The following LRP5 variants were observed in gnomAD, a reference collection of about 807,000 sequenced individuals.
The protein encoded by LRP5 is low-density lipoprotein receptor-related protein 5.
In LRP5, 62 loss-of-function variants were observed where a neutral mutation model predicts 154.1. The observed-to-expected ratio is 0.40, with a 90% confidence interval of 0.33 to 0.50. LRP5 has a LOEUF of 0.50. Among genes scored for constraint, LRP5 ranks in the 20% least tolerant of loss-of-function variants. The pLI is 0.55. For synonymous variants in LRP5, 966 were observed against 1,011.5 expected, an observed-to-expected ratio of 0.96 and a Z score of 0.85; for missense variants, 1,915 against 2,336.7, an observed-to-expected ratio of 0.82 and a Z score of 3.72.
Position 68,423,452 on chromosome 11 carries a change from G to T in LRP5, c.3028-37G>T. 3.1e-6 allele frequency: 5 copies of T among 1,595,986 alleles called. No individual in the cohort carries two copies. Among genetic ancestry groups the T allele is most frequent in the Admixed American group, 1.7e-5 (1 of 59,998 alleles). ...TCTCCGCCAGTGCCCAGGGGTCTCC[G>T]CCAGTGCTCAGGAGTCTTGGTTTCT... On this transcript the variant is annotated intron_variant, in intron 13 of 22. Transcript: ENST00000294304. The surrounding 1 kb of genome is among the most constrained non-coding windows in gnomAD (Gnocchi z 4.7).
chr11:68,439,867 G>C lies in LRP5; in HGVS notation c.4439G>C (p.Gly1480Ala). Residue 1480 changes from glycine (G) to alanine (A), a missense_variant, in exon 21 of 23, where the codon GGG becomes GCG. Coordinates refer to ENST00000294304, the MANE Select transcript of LRP5 (RefSeq NM_002335.4). ...CTCTACGACCGGAACCACGTCACAGGGGCCTCGTCCAGCAGCTCGTCCAGC... is the reference window on the plus strand; with the variant it reads ...CTCTACGACCGGAACCACGTCACAGCGGCCTCGTCCAGCAGCTCGTCCAGC... ...VPLYDRNHVTGASSSSSSSTK... is the reference protein window; with the variant it reads ...VPLYDRNHVTAASSSSSSSTK... The C allele has an allele frequency of 6.2e-7, 1 of 1,601,792 alleles. No individual in the cohort carries two copies. Among genetic ancestry groups the C allele is most frequent in the Non-Finnish European group, 8.5e-7 (1 of 1,176,230 alleles).
At chr11:68,371,675 C>T (rs2098634084) in intron 5 of LRP5, among the ~76,000 whole-genome samples, 1 of 152,246 alleles carries the variant, frequency 6.6e-6, no homozygotes, top group East Asian at 1.9e-4. Context: ...GACGGGACGC[C>T]TCGCCTCGAC....
At chr11:68,427,976 TTTA>T (rs1338782213) in intron 16 of LRP5, among the ~76,000 whole-genome samples, 64 of 86,188 alleles carry the variant, frequency 7.4e-4, no homozygotes, top group South Asian at 4.3e-3. Flanking sequence ...TTTTATTTTT[TTTA>T]TTTATTTATT....
At chr11:68,409,741 T>C (rs2098658332) in intron 9 of LRP5, among the ~76,000 whole-genome samples, 173 bp from the exon 10 acceptor site, 1 of 151,958 alleles carries the variant, frequency 6.6e-6, no homozygotes, top group Non-Finnish European at 1.5e-5. Context: ...CCCCACCTAC[T>C]TGGGAGGCTA....
chr11:68,357,868 G>T (rs757803838), intron 3 of LRP5, 21 bp downstream of exon 3: 1 of 1,597,866 alleles, frequency 6.3e-7, no homozygotes, highest in South Asian at 1.1e-5. Context: ...ACGCAGTCCT[G>T]GGGCACCCCT....
intron 5 of LRP5, among the ~76,000 whole-genome samples, chr11:68,366,507 G>A (rs562571491): frequency 6.6e-6 from 1 of 152,292 alleles, no homozygotes; most frequent in Admixed American, 6.5e-5. Context: ...TGTTCTTGCT[G>A]GCTAGGGTCT....
In LRP5 at chr11:68,348,034, C is replaced by T. The variant is rs1486017820; in HGVS notation, c.279C>T (p.Asn93=). Residue 93 remains asparagine (N), a synonymous_variant, in exon 2 of 23, where the codon AAC becomes AAT. Transcript: ENST00000294304. ...SEEAIKQTYL[N]QTGAAVQNVV... Reference sequence around the variant, plus strand: ...AGGCCATCAAGCAGACCTACCTGAACCAGACGGGGGCCGCCGTGCAGAACG... The same window carrying T: ...AGGCCATCAAGCAGACCTACCTGAATCAGACGGGGGCCGCCGTGCAGAACG... 1.4e-5 allele frequency: 23 copies of T among 1,614,136 alleles called. No homozygotes were observed. The highest frequency in any genetic ancestry group is 1.9e-5 in the Non-Finnish European group (23 of 1,180,034).
rs543181964 is a variant in LRP5 at position 68,353,888 on chromosome 11, C to G, written c.489-3762C>G. On this transcript the variant is annotated intron_variant, in intron 2 of 22. Coordinates refer to ENST00000294304, the MANE Select transcript of LRP5 (RefSeq NM_002335.4). The surrounding 1 kb of genome is among the most constrained non-coding windows in gnomAD (Gnocchi z 4.5). ...GCAGTTTCAGCAATGCAGGTGGCCCCGTGCGGACATCCAGGCAGGGTTGAG... is the reference window on the plus strand; with the variant it reads ...GCAGTTTCAGCAATGCAGGTGGCCCGGTGCGGACATCCAGGCAGGGTTGAG... Among the ~76,000 whole-genome samples, 2 of 152,312 alleles carry G rather than the reference C, an allele frequency of 1.3e-5. No individual in the cohort carries two copies. Among genetic ancestry groups the G allele is most frequent in the East Asian group, 1.9e-4 (1 of 5,178 alleles).
chr11:68,389,759 C>A, intron 6 of LRP5, 122 bp from the exon 7 acceptor site: 1 of 942,502 alleles, frequency 1.1e-6, no homozygotes. Context: ...CCAATATTTA[C>A]TGACATCAAC....
intron 1 of LRP5, among the ~76,000 whole-genome samples, chr11:68,324,132 A>G (rs2098598328): frequency 6.6e-6 from 1 of 152,224 alleles, no homozygotes; most frequent in Non-Finnish European, 1.5e-5. Flanking sequence ...TCTCCTTCTC[A>G]GGAGGGCTGA....
chr11:68,419,592 T>C (rs1344490023), intron 13 of LRP5, among the ~76,000 whole-genome samples: 1 of 150,398 alleles, frequency 6.6e-6, no homozygotes, highest in African/African-American at 2.5e-5. Context: ...CAGGCTGGAG[T>C]GCAGTGGCGT....
At chr11:68,404,245 A>G (rs1204177249) in intron 8 of LRP5, 2 of 518,430 alleles carry the variant, frequency 3.9e-6, no homozygotes, top group Non-Finnish European at 3.8e-6. Context: ...CACTGGAGAG[A>G]GCAGCATCCA....
chr11:68,322,025 T>G (rs986920574), intron 1 of LRP5, among the ~76,000 whole-genome samples: 1 of 152,216 alleles, frequency 6.6e-6, no homozygotes, highest in Non-Finnish European at 1.5e-5. Flanking sequence ...TACGAGATAG[T>G]TTTGGAGCAA....
intron 7 of LRP5, among the ~76,000 whole-genome samples, chr11:68,392,788 C>T (rs7939653): frequency 6.6e-6 from 1 of 152,004 alleles, no homozygotes; most frequent in Admixed American, 6.6e-5. Flanking sequence ...CTTTCCATAG[C>T]ATTGTGTTTT....
intron 1 of LRP5, among the ~76,000 whole-genome samples, chr11:68,333,254 G>T (rs2153120681): frequency 6.6e-6 from 1 of 152,266 alleles, no homozygotes; most frequent in Non-Finnish European, 1.5e-5. Flanking sequence ...AGCGAGCCTG[G>T]GTGTTTCCTG....
intron 2 of LRP5, among the ~76,000 whole-genome samples, chr11:68,349,555 C>T (rs191596047): frequency 1.4e-4 from 21 of 152,258 alleles, no homozygotes; most frequent in African/African-American, 4.8e-4. Context: ...GAGTGGTTCT[C>T]GGGTCCGTTC....
At chr11:68,383,438 G>T (rs1284720903) in intron 5 of LRP5, among the ~76,000 whole-genome samples, 1 of 152,214 alleles carries the variant, frequency 6.6e-6, no homozygotes, top group South Asian at 2.1e-4. Context: ...CCCCACAGTG[G>T]CTGTTAAGCA....
chr11:68,322,203 T>A (rs964479457), intron 1 of LRP5, among the ~76,000 whole-genome samples: 2 of 152,060 alleles, frequency 1.3e-5, no homozygotes, highest in Admixed American at 6.6e-5. Flanking sequence ...CTATTCCTCC[T>A]GAGCACTGTA....
At chr11:68,420,486 C>T (rs2098664927) in intron 13 of LRP5, among the ~76,000 whole-genome samples, 1 of 151,944 alleles carries the variant, frequency 6.6e-6, no homozygotes, top group Admixed American at 6.6e-5. Flanking sequence ...GGGCAGATCA[C>T]TTGAGGTCAG....
Sources: gnomAD v4.1 joint callset for allele counts (sites outside exome capture counted in the v4.1 genomes callset) on GRCh38, gnomAD v4.1.1 for gene constraint, Gnocchi (gnomAD v3.1) non-coding constraint, MANE v1.5 for transcripts, NCBI Gene and HGNC (gene_info 2026-07-23, HGNC 2026-07-21) for gene names.